DMD: variants seen among roughly 807,000 people sequenced by gnomAD.
The protein encoded by DMD is mutant dystrophin.
DMD carries 63 observed loss-of-function variants against 330.1 expected under a neutral mutation model. The ratio of observed to expected loss-of-function variants is 0.19; its 90% CI spans 0.16 to 0.24. DMD has a LOEUF of 0.24. Among genes scored for constraint, DMD ranks in the 10% least tolerant of loss-of-function variants. DMD has a pLI of 1.00. For missense variants in DMD, 3,344 were observed against 2,684.1 expected (o/e 1.25, Z -5.43); for synonymous variants, 1,223 against 959.8 (o/e 1.27, Z -5.07).
intron 19 of DMD, among the ~76,000 whole-genome samples, chrX:32,492,545 T>C (rs141858529): frequency 6.2e-5 from 7 of 112,119 alleles, no homozygotes; most frequent in Non-Finnish European, 1.3e-4. Context: ...GTACCTACTA[T>C]GTACCATGGA....
At chrX:32,196,787 C>T (rs756241053) in intron 44 of DMD, among the ~76,000 whole-genome samples, 4 of 109,512 alleles carry the variant, frequency 3.7e-5, no homozygotes, top group East Asian at 5.7e-4. Context: ...AGATCGAGAC[C>T]ATCCTGGCTA....
At chrX:31,403,695 A>G (rs1253642963) in intron 60 of DMD, among the ~76,000 whole-genome samples, 1 of 112,067 alleles carries the variant, frequency 8.9e-6, no homozygotes, top group Non-Finnish European at 1.9e-5. Context: ...GTAGGGTTTA[A>G]AACACCATGA....
intron 17 of DMD, among the ~76,000 whole-genome samples, chrX:32,528,492 A>G (rs1242306931): frequency 9.0e-6 from 1 of 111,500 alleles, no homozygotes; most frequent in Non-Finnish European, 1.9e-5. Context: ...TGAAGTAAAA[A>G]CATACTGTAA....
intron 63 of DMD, among the ~76,000 whole-genome samples, chrX:31,228,276 A>G (rs5927711): frequency 0.023 from 677 of 28,940 alleles, 5 homozygotes; most frequent in African/African-American, 0.22. Context: ...ATAAAAAAAT[A>G]AAAAAAAAAA....
rs755310480 is a variant in DMD at position 31,830,273 on chromosome X, AAT to A, written c.7200+6443_7200+6444del. Among the ~76,000 whole-genome samples the A allele has an allele frequency of 1.4e-4, 16 of 112,916 alleles. No individual in the cohort carries two copies. In the East Asian group the frequency reaches 4.5e-3, roughly 31 times the overall value. ...GCCAAACAACTTAAAAAGCAGAAAG[AAT>A]ATGTTAGTCTATTGGGAATTTTTAA... On this transcript the variant is annotated intron_variant, in intron 49 of 78. Transcript: ENST00000357033.
intron 41 of DMD, among the ~76,000 whole-genome samples, chrX:32,323,840 C>T (rs1379334890): frequency 4.5e-5 from 5 of 111,596 alleles, no homozygotes; most frequent in East Asian, 2.8e-4. Flanking sequence ...GGAATTAAAA[C>T]AGACACAGTT....
chrX:32,742,794 C>G (rs181036781), intron 7 of DMD, among the ~76,000 whole-genome samples: 3 of 112,129 alleles, frequency 2.7e-5, no homozygotes, highest in African/African-American at 3.2e-5. Context: ...AGTAAGTAAT[C>G]TTTTCGAAAT....
intron 44 of DMD, among the ~76,000 whole-genome samples, chrX:32,067,553 C>T (rs5971608): frequency 0.28 from 31,194 of 109,818 alleles, 3,456 homozygotes; most frequent in East Asian, 0.55. Flanking sequence ...TTGCCATCTT[C>T]AATTCTATAA....
chrX:33,283,462 T>C (rs1448685132), intron 1 of DMD, among the ~76,000 whole-genome samples: 4 of 106,651 alleles, frequency 3.8e-5, no homozygotes, highest in African/African-American at 1.4e-4. Flanking sequence ...AGGTGGAGGT[T>C]GCAGTGAGCT....
intron 1 of DMD, among the ~76,000 whole-genome samples, chrX:33,249,900 A>G (rs1321022432): frequency 9.1e-6 from 1 of 110,065 alleles, no homozygotes; most frequent in Admixed American, 9.7e-5. Context: ...TACTGTACTC[A>G]GAGAATGCAC....
At chrX:32,566,897 A>T (rs1215508801) in intron 15 of DMD, among the ~76,000 whole-genome samples, 2 of 112,135 alleles carry the variant, frequency 1.8e-5, no homozygotes, top group Non-Finnish European at 3.8e-5. Context: ...TAACAACCCC[A>T]TATTTGGCAG....
chrX:32,396,743 G>A (rs2098047198), intron 30 of DMD, among the ~76,000 whole-genome samples: 1 of 111,000 alleles, frequency 9.0e-6, no homozygotes, highest in Admixed American at 9.6e-5. Flanking sequence ...ATTTCCAATT[G>A]ATTCTACTAT....
chrX:31,226,161 C>T (rs2046568993), intron 63 of DMD, among the ~76,000 whole-genome samples: 1 of 111,606 alleles, frequency 9.0e-6, no homozygotes, highest in South Asian at 3.8e-4. Flanking sequence ...ATCTGTGAAT[C>T]CGAATCAATA....
chrX:32,844,879 A>T lies in DMD; in HGVS notation c.187-19T>A, dbSNP rs762181755. The T allele has an allele frequency of 1.4e-5, 16 of 1,159,956 alleles. No individual in the cohort carries two copies. In the South Asian group the frequency reaches 2.0e-4, roughly 14 times the overall value. On this transcript the variant is annotated intron_variant, in intron 3 of 78. Transcript: ENST00000357033. ...CTTTTGGCTGAGAACAAAACAAAAG[A>T]GTGTTCACTGACCAGCAGAGAGACC...
At chrX:33,339,217 C>T in intron 1 of DMD, 2 of 1,025,459 alleles carry the variant, frequency 2.0e-6, no homozygotes, top group Middle Eastern at 2.9e-4. Flanking sequence ...TGGCCAGCTT[C>T]TAATTGTATT....
chrX:32,562,873 T>A (rs761841275), intron 16 of DMD, among the ~76,000 whole-genome samples: 2 of 111,616 alleles, frequency 1.8e-5, no homozygotes, highest in Non-Finnish European at 3.8e-5. Flanking sequence ...CAGCAAAGAT[T>A]TGGATCAATC....
At position 32,582,145 on chromosome X, in the gene DMD, C is replaced by G. The variant is rs549852232; in HGVS notation, c.1603-8299G>C. Among the ~76,000 whole-genome samples the G allele has an allele frequency of 7.6e-4, 84 of 110,891 alleles. 1 individual carries two copies. The highest frequency in any genetic ancestry group is 5.0e-3 in the Middle Eastern group (1 of 202). ...AAATATCCACAATACTCCCATTGTA[C>G]TAGAGTATTTATACAGTACAATATG... On this transcript the variant is annotated intron_variant, in intron 13 of 78. Coordinates refer to ENST00000357033, the MANE Select transcript of DMD (RefSeq NM_004006.3).
At chrX:32,031,356 G>A (rs1284497231) in intron 44 of DMD, among the ~76,000 whole-genome samples, 1 of 111,147 alleles carries the variant, frequency 9.0e-6, no homozygotes, top group Admixed American at 9.6e-5. Context: ...TAGGTCATGA[G>A]GTCATCTTTG....
At chrX:31,825,598 T>C (rs748053856) in intron 49 of DMD, among the ~76,000 whole-genome samples, 18 of 112,019 alleles carry the variant, frequency 1.6e-4, no homozygotes, top group Non-Finnish European at 2.6e-4. Flanking sequence ...GGTATGTATT[T>C]ATCTTACAGT....
Sources: allele counts gnomAD v4.1 joint callset (sites outside exome capture counted in the v4.1 genomes callset), GRCh38; gene constraint gnomAD v4.1.1; transcripts MANE v1.5; gene names NCBI Gene and HGNC (gene_info 2026-07-23, HGNC 2026-07-21).